DCLK1: variants seen among roughly 807,000 people sequenced by gnomAD.
DCLK1 encodes the protein doublecortin like kinase 1, also known as serine/threonine-protein kinase DCLK1.
In DCLK1, 16 loss-of-function variants were observed where a neutral mutation model predicts 86.2. The ratio of observed to expected loss-of-function variants is 0.19; its 90% CI spans 0.13 to 0.28. The LOEUF (loss-of-function observed/expected upper bound fraction) is 0.28. Among genes scored for constraint, DCLK1 ranks in the 10% least tolerant of loss-of-function variants. The pLI is 1.00. For synonymous variants in DCLK1, 369 were observed against 370.5 expected (o/e 1.00, Z 0.05); for missense variants, 590 against 940.2 (o/e 0.63, Z 4.87).
chr13:36,064,916 A>T (rs748570321), intron 3 of DCLK1, among the ~76,000 whole-genome samples: 3 of 152,218 alleles, frequency 2.0e-5, no homozygotes, highest in Non-Finnish European at 2.9e-5. Flanking sequence ...AAACATGATT[A>T]AATAATGAAA....
chr13:35,880,108 G>T (rs1872801167), intron 4 of DCLK1, among the ~76,000 whole-genome samples: 1 of 152,176 alleles, frequency 6.6e-6, no homozygotes, highest in Non-Finnish European at 1.5e-5. Context: ...TACTCTTTCT[G>T]CAGGTCTGGC....
At chr13:36,090,467 A>G (rs1166902769) in intron 3 of DCLK1, among the ~76,000 whole-genome samples, 1 of 152,136 alleles carries the variant, frequency 6.6e-6, no homozygotes, top group Admixed American at 6.6e-5. Context: ...ACAGGGGAAA[A>G]TGGCAAGAAG....
At chr13:36,126,522 C>G (rs896048348) in intron 1 of DCLK1, among the ~76,000 whole-genome samples, 1 of 152,082 alleles carries the variant, frequency 6.6e-6, no homozygotes. Flanking sequence ...CGCCCCCCAA[C>G]CCCTTTGGCC....
chr13:36,091,143 T>G (rs1192441376), intron 3 of DCLK1, among the ~76,000 whole-genome samples: 1 of 152,200 alleles, frequency 6.6e-6, no homozygotes, highest in Non-Finnish European at 1.5e-5. Flanking sequence ...GGTTGCGGGT[T>G]CACTCTGATG....
chr13:36,042,048 G>C (rs545530912), intron 3 of DCLK1, among the ~76,000 whole-genome samples: 1 of 152,094 alleles, frequency 6.6e-6, no homozygotes, highest in Non-Finnish European at 1.5e-5. Context: ...CAGGACAAAT[G>C]GGGGCTGTGA....
chr13:35,859,785 T>C (rs1476999409), intron 5 of DCLK1, among the ~76,000 whole-genome samples: 1 of 152,226 alleles, frequency 6.6e-6, no homozygotes, highest in African/African-American at 2.4e-5. Context: ...ATGCTTATGA[T>C]TAAACATCAA....
intron 6 of DCLK1, among the ~76,000 whole-genome samples, chr13:35,851,506 G>C (rs1220816653): frequency 1.3e-5 from 2 of 151,970 alleles, no homozygotes; most frequent in Non-Finnish European, 2.9e-5. Flanking sequence ...TCATCTGACT[G>C]ATCAGATAAT....
intron 3 of DCLK1, among the ~76,000 whole-genome samples, chr13:36,003,662 A>T (rs575660508): frequency 6.6e-6 from 1 of 152,342 alleles, no homozygotes; most frequent in South Asian, 2.1e-4. Context: ...AAATTATATT[A>T]AAGAATATTG....
At chr13:35,858,355 CGGAA>C (rs1323163213) in intron 5 of DCLK1, among the ~76,000 whole-genome samples, 3 of 152,152 alleles carry the variant, frequency 2.0e-5, no homozygotes, top group Non-Finnish European at 4.4e-5. Context: ...ACACTTTGAA[CGGAA>C]GCACCTTAGG....
chr13:35,947,886 T>A (rs1262371047), intron 3 of DCLK1, among the ~76,000 whole-genome samples: 1 of 152,242 alleles, frequency 6.6e-6, no homozygotes, highest in Non-Finnish European at 1.5e-5. Flanking sequence ...AGAAAAATAC[T>A]TCTCTCATGA....
At position 35,980,265 on chromosome 13, in the gene DCLK1, G is replaced by A. The variant is rs1476308495; in HGVS notation, c.724-32808C>T. On this transcript the variant is annotated intron_variant, in intron 3 of 16. Coordinates refer to ENST00000360631, the MANE Select transcript of DCLK1 (RefSeq NM_001330071.2). ...GAGCTCAGGAGTTTGAGACCAGCCT[G>A]GCCAACATGGTGGAACCCATCTCTG... Among the ~76,000 whole-genome samples the A allele has an allele frequency of 2.0e-5, 3 of 152,100 alleles. No homozygotes were observed. In the East Asian group the frequency reaches 5.8e-4, roughly 29 times the overall value.
intron 3 of DCLK1, among the ~76,000 whole-genome samples, chr13:36,023,001 C>T (rs1315608236): frequency 2.6e-5 from 4 of 151,956 alleles, no homozygotes; most frequent in South Asian, 2.1e-4. Flanking sequence ...AATGCTGAAC[C>T]GAATACTAGA....
At chr13:35,818,461 C>A (rs924947385) in intron 11 of DCLK1, among the ~76,000 whole-genome samples, 3 of 152,166 alleles carry the variant, frequency 2.0e-5, no homozygotes, top group African/African-American at 7.2e-5. Context: ...TGGGAGCAGG[C>A]ACAAACACTT....
At chr13:35,939,502 T>C (rs993402632) in intron 4 of DCLK1, among the ~76,000 whole-genome samples, 1 of 152,222 alleles carries the variant, frequency 6.6e-6, no homozygotes, top group African/African-American at 2.4e-5. Flanking sequence ...CCTCTGGGGC[T>C]CAAGCGATCC....
In DCLK1 at chr13:35,819,897, A is replaced by G. The variant is rs555266099; in HGVS notation, c.1554+2832T>C. On this transcript the variant is annotated intron_variant, in intron 11 of 16. Transcript: ENST00000360631. ...CAAAGAAAGGGGAAATTTTCAAAAGAAAATTAATAGTTATGTTATCTTCAT... is the reference window on the plus strand; with the variant it reads ...CAAAGAAAGGGGAAATTTTCAAAAGGAAATTAATAGTTATGTTATCTTCAT... 7.2e-4 allele frequency among the ~76,000 whole-genome samples: 110 copies of G among 152,344 alleles called. 1 individual carries two copies. Among genetic ancestry groups the G allele is most frequent in the African/African-American group, 2.6e-3 (107 of 41,568 alleles).
chr13:36,032,801 C>T (rs981297539), intron 3 of DCLK1, among the ~76,000 whole-genome samples: 3 of 152,230 alleles, frequency 2.0e-5, no homozygotes, highest in Admixed American at 6.5e-5. Flanking sequence ...CATTTTGCTC[C>T]TGCTCCACTT....
At chr13:36,109,728 A>G (rs765397952) in intron 3 of DCLK1, among the ~76,000 whole-genome samples, 11 of 152,254 alleles carry the variant, frequency 7.2e-5, no homozygotes, top group Non-Finnish European at 1.2e-4. Flanking sequence ...TGCTAAAAAC[A>G]TAAGGAATCT....
chr13:36,007,386 C>A (rs1881024878), intron 3 of DCLK1, among the ~76,000 whole-genome samples: 1 of 152,200 alleles, frequency 6.6e-6, no homozygotes, highest in Admixed American at 6.5e-5. Flanking sequence ...GCTGTATTAA[C>A]ACAAATGTGA....
intron 5 of DCLK1, among the ~76,000 whole-genome samples, chr13:35,868,189 A>AT (rs1321114029): frequency 6.6e-6 from 1 of 151,944 alleles, no homozygotes; most frequent in African/African-American, 2.4e-5. Flanking sequence ...CGCCCGGCTA[A>AT]TTTTTTGTAT....
Sources: gnomAD v4.1 joint callset for allele counts (sites outside exome capture counted in the v4.1 genomes callset) on GRCh38, gnomAD v4.1.1 for gene constraint, MANE v1.5 for transcripts, NCBI Gene and HGNC (gene_info 2026-07-23, HGNC 2026-07-21) for gene names.